SDK1: variants seen among roughly 807,000 people sequenced by gnomAD.
SDK1 encodes the protein sidekick cell adhesion molecule 1, also known as protein sidekick-1.
Under a neutral mutation model 245.5 loss-of-function variants are expected in SDK1, and 157 were observed. The ratio of observed to expected loss-of-function variants is 0.64; its 90% confidence interval spans 0.56 to 0.73. SDK1 has a LOEUF of 0.73. Among genes scored for constraint, SDK1 ranks in the 30% least tolerant of loss-of-function variants. The pLI is 0.00. For synonymous variants in SDK1, 1,647 were observed against 1,278.5 expected (o/e 1.29, Z -6.15); for missense variants, 3,583 against 3,002.3 (o/e 1.19, Z -4.52).
chr7:4,247,682 G>A (rs1325362740), intron 44 of SDK1, among the ~76,000 whole-genome samples: 1 of 152,204 alleles, frequency 6.6e-6, no homozygotes, highest in East Asian at 1.9e-4. Flanking sequence ...CCTGTGTGCT[G>A]AGCGCTCGCT....
chr7:4,006,015 C>T lies in SDK1; in HGVS notation c.2132-4951C>T, dbSNP rs1433772349. On this transcript the variant is annotated intron_variant, in intron 14 of 44. Transcript: ENST00000404826. ...CCCAGGAGCGGAGGTTGCAGTGAGCCGAGATTGCGCCACTGCACTCCAGCC... is the reference window on the plus strand; with the variant it reads ...CCCAGGAGCGGAGGTTGCAGTGAGCTGAGATTGCGCCACTGCACTCCAGCC... Among the ~76,000 whole-genome samples the T allele has an allele frequency of 3.9e-5, 6 of 152,056 alleles. No homozygotes were observed. In the East Asian group the frequency reaches 1.2e-3, roughly 29 times the overall value.
chr7:4,172,813 C>G (rs139153781), intron 32 of SDK1, among the ~76,000 whole-genome samples: 1 of 152,196 alleles, frequency 6.6e-6, no homozygotes, highest in African/African-American at 2.4e-5. Flanking sequence ...CAGTCTCTGT[C>G]CCTGTCTTCA....
intron 32 of SDK1, among the ~76,000 whole-genome samples, chr7:4,170,632 C>G (rs763160842): frequency 2.0e-5 from 3 of 152,150 alleles, no homozygotes; most frequent in Non-Finnish European, 4.4e-5. Flanking sequence ...GGTGCCCACT[C>G]CTAGCACAAG....
intron 1 of SDK1, among the ~76,000 whole-genome samples, chr7:3,473,526 C>T (rs1267270147): frequency 6.6e-6 from 1 of 152,160 alleles, no homozygotes; most frequent in African/African-American, 2.4e-5. Context: ...CCTGAGAGAC[C>T]AGCCTCTAGA....
At position 3,574,888 on chromosome 7, in the gene SDK1, G is replaced by A. The variant is rs543205777; in HGVS notation, c.299-44192G>A. Among the ~76,000 whole-genome samples the A allele has an allele frequency of 2.5e-4, 38 of 152,042 alleles. 1 individual carries two copies. Among genetic ancestry groups the A allele is most frequent in the Non-Finnish European group, 3.7e-4 (25 of 67,972 alleles). On this transcript the variant is annotated intron_variant, in intron 1 of 44. Coordinates refer to ENST00000404826, the MANE Select transcript of SDK1 (RefSeq NM_152744.4). ...ACCAATTTTACAAATTACACGAAAG[G>A]CATTTTCTCTGAGTTGTAGAAAGTG... is the stretch of plus-strand genomic sequence containing the variant.
At chr7:3,429,828 C>T (rs1372513270) in intron 1 of SDK1, among the ~76,000 whole-genome samples, 2 of 151,804 alleles carry the variant, frequency 1.3e-5, no homozygotes, top group Non-Finnish European at 2.9e-5. Flanking sequence ...TGGGTTCAAG[C>T]AGTCCTCCTG....
intron 17 of SDK1, among the ~76,000 whole-genome samples, chr7:4,034,398 C>T (rs1788064916): frequency 6.6e-6 from 1 of 152,176 alleles, no homozygotes; most frequent in Admixed American, 6.5e-5. Flanking sequence ...TTGTGGTTAC[C>T]TGGTGAGTGT....
In SDK1 at chr7:3,638,941, T is replaced by C. The variant is rs985837221; in HGVS notation, c.459-63T>C. 34 of 943,276 alleles carry C rather than the reference T, an allele frequency of 3.6e-5. No individual in the cohort carries two copies. The African/African-American group carries it at 4.7e-4, about 13-fold the overall frequency. The allele number at this position is 943,276 out of a possible 1,614,324, so 58.4% of individuals were successfully genotyped here. On this transcript the variant is annotated intron_variant, in intron 2 of 44. Coordinates refer to ENST00000404826, the MANE Select transcript of SDK1 (RefSeq NM_152744.4). ...TGCTGTTTGATAAAATAGCATCTGA[T>C]GGTTAGATATAACCATGAAACACTG... is the stretch of plus-strand genomic sequence containing the variant.
Position 4,008,539 on chromosome 7 carries a change from C to A in SDK1, c.2132-2427C>A, listed in dbSNP as rs944015059. Reference sequence around the variant, plus strand: ...CTAAACTAATCCCGGTTGGCTGAACCTTTGATTTTTTTTAGATAAGGTGGG... The same window carrying A: ...CTAAACTAATCCCGGTTGGCTGAACATTTGATTTTTTTTAGATAAGGTGGG... On this transcript the variant is annotated intron_variant, in intron 14 of 44. Transcript: ENST00000404826. Among the ~76,000 whole-genome samples, 6 of 151,984 alleles carry A rather than the reference C, an allele frequency of 3.9e-5. No homozygotes were observed. In the East Asian group the frequency reaches 7.7e-4, roughly 20 times the overall value.
chr7:3,501,898 T>A (rs758302439), intron 1 of SDK1, among the ~76,000 whole-genome samples: 30 of 152,220 alleles, frequency 2.0e-4, no homozygotes, highest in Non-Finnish European at 3.5e-4. Context: ...TTTGGAAATG[T>A]AACTATTTGA....
At chr7:4,093,104 T>C (rs993449870) in intron 22 of SDK1, among the ~76,000 whole-genome samples, 14 of 151,922 alleles carry the variant, frequency 9.2e-5, no homozygotes, top group African/African-American at 3.4e-4. Context: ...GATGCTCAGA[T>C]GTGGGTTGCC....
intron 5 of SDK1, among the ~76,000 whole-genome samples, chr7:3,862,314 T>A (rs1167498226): frequency 6.6e-6 from 1 of 152,220 alleles, no homozygotes; most frequent in Non-Finnish European, 1.5e-5. Flanking sequence ...AGGTAATTTC[T>A]GTCTGCAGCC....
chr7:3,822,627 G>C (rs550072343), intron 5 of SDK1, among the ~76,000 whole-genome samples: 2 of 152,070 alleles, frequency 1.3e-5, no homozygotes, highest in Non-Finnish European at 2.9e-5. Context: ...AAATTAGCAG[G>C]CATGGTGGTA....
At chr7:3,951,962 T>G (rs780323783) in intron 7 of SDK1, 42 bp downstream of exon 7, 9 of 1,553,784 alleles carry the variant, frequency 5.8e-6, no homozygotes, top group Non-Finnish European at 7.9e-6. Flanking sequence ...GCATCTCAGA[T>G]AGCATCCGAC....
intron 31 of SDK1, 26 bp from the exon 32 acceptor site, chr7:4,161,760 C>T (rs1554248135): frequency 6.2e-7 from 1 of 1,606,104 alleles, no homozygotes; most frequent in Middle Eastern, 1.7e-4. Flanking sequence ...ACCCTGACCC[C>T]CGCTTTCCTC....
chr7:3,966,660 C>T (rs1162143907), intron 9 of SDK1, among the ~76,000 whole-genome samples: 1 of 152,028 alleles, frequency 6.6e-6, no homozygotes, highest in Non-Finnish European at 1.5e-5. Flanking sequence ...TTGTGGATGA[C>T]ATTTTGTATT....
At chr7:3,396,039 A>G (rs1187179928) in intron 1 of SDK1, among the ~76,000 whole-genome samples, 1 of 151,634 alleles carries the variant, frequency 6.6e-6, no homozygotes. Context: ...TTAAAGGTGA[A>G]TTCTTAGATT....
intron 4 of SDK1, among the ~76,000 whole-genome samples, chr7:3,667,734 G>A (rs187579692): frequency 6.6e-6 from 1 of 152,090 alleles, no homozygotes; most frequent in African/African-American, 2.4e-5. Context: ...TTCAGTTCTC[G>A]TAATGCATCT....
rs1785930125 is a variant in SDK1, at chr7:4,233,411, CTGTGTCAGG to C, written c.5986_5992+2del. On this transcript the variant is annotated splice_donor_variant and coding_sequence_variant, in exon 41 of 45. Transcript: ENST00000404826. LOFTEE classifies it high-confidence loss of function. ...GGGGAGCCCAGCAACCCCTCCACGG[CTGTGTCAGG>C]TAGGCCCTCCCAGGGAGGTCTGTCT... The C allele has an allele frequency of 6.2e-7, 1 of 1,612,064 alleles. No homozygotes were observed. The highest frequency in any genetic ancestry group is 2.2e-5 in the East Asian group (1 of 44,868).
Sources: gnomAD v4.1 joint callset for allele counts (sites outside exome capture counted in the v4.1 genomes callset) on GRCh38, gnomAD v4.1.1 for gene constraint, MANE v1.5 for transcripts, NCBI Gene and HGNC (gene_info 2026-07-23, HGNC 2026-07-21) for gene names.